UBE2Z: variants seen among roughly 807,000 people sequenced by gnomAD.
UBE2Z encodes the protein ubiquitin conjugating enzyme E2 Z, also known as ubiquitin-conjugating enzyme E2 Z.
A neutral mutation model predicts 32.6 loss-of-function variants in UBE2Z; 10 were observed. The observed-to-expected ratio is 0.31, with a 90% CI of 0.19 to 0.52. UBE2Z has a LOEUF of 0.52. UBE2Z is among the 20% of genes least tolerant of loss of function. The pLI, the probability that UBE2Z is intolerant of heterozygous loss-of-function variation, is 0.97. For synonymous variants in UBE2Z, 183 were observed against 190.8 expected (o/e 0.96, Z 0.34); for missense variants, 343 against 480.9 (o/e 0.71, Z 2.68).
intron 6 of UBE2Z, 26 bp from the exon 7 acceptor site, chr17:48,926,938 C>T (rs1195401581): frequency 6.2e-7 from 1 of 1,601,644 alleles, no homozygotes; most frequent in East Asian, 2.2e-5. Flanking sequence ...TTGAATCTTC[C>T]ATCCCCTTGT....
intron 2 of UBE2Z, chr17:48,912,596 AACTT>A: frequency 4.1e-6 from 2 of 484,216 alleles, no homozygotes; most frequent in Non-Finnish European, 7.4e-6. Context: ...CTTGGGCTCT[AACTT>A]TAGAAGTAAC....
intron 3 of UBE2Z, among the ~76,000 whole-genome samples, chr17:48,915,411 C>T (rs944193122): frequency 6.6e-6 from 1 of 152,176 alleles, no homozygotes; most frequent in Non-Finnish European, 1.5e-5. Context: ...ATGTCATTAA[C>T]ATCCAAGCTG....
chr17:48,919,127 A>C (rs1366170792), intron 4 of UBE2Z, among the ~76,000 whole-genome samples: 4 of 151,866 alleles, frequency 2.6e-5, no homozygotes, highest in Non-Finnish European at 5.9e-5. Context: ...ATTTATTTAC[A>C]GGCACACACC....
At chr17:48,914,567 T>A (rs1304180434) in intron 3 of UBE2Z, among the ~76,000 whole-genome samples, 1 of 152,230 alleles carries the variant, frequency 6.6e-6, no homozygotes, top group African/African-American at 2.4e-5. Flanking sequence ...GTATGAAATT[T>A]GTTCGCGAAA....
At chr17:48,924,010 C>G (rs1244962122) in intron 6 of UBE2Z, among the ~76,000 whole-genome samples, 1 of 152,248 alleles carries the variant, frequency 6.6e-6, no homozygotes. Context: ...CATACGCCAT[C>G]ATGCCCAGCT....
chr17:48,927,179 A>G lies in UBE2Z; in HGVS notation c.*45A>G. 1 of 1,597,870 alleles carries G rather than the reference A, an allele frequency of 6.3e-7. No individual in the cohort carries two copies. Among genetic ancestry groups the G allele is most frequent in the Non-Finnish European group, 8.6e-7 (1 of 1,169,410 alleles). On this transcript the variant is annotated 3_prime_UTR_variant, in exon 7 of 7. Transcript: ENST00000360943. The stretch of plus-strand genomic sequence containing the variant: ...TTCCCCCACTCAAGAGTCCCAGCAG[A>G]ATCCCTTCCCCCCACCCCAGGGATG...
intron 3 of UBE2Z, chr17:48,915,827 C>T: frequency 4.9e-6 from 2 of 408,804 alleles, no homozygotes; most frequent in South Asian, 4.1e-5. Flanking sequence ...AAAGAAAATC[C>T]CTTCAAAGTT....
intron 6 of UBE2Z, among the ~76,000 whole-genome samples, chr17:48,924,925 C>T (rs1598078097): frequency 6.6e-6 from 1 of 151,048 alleles, no homozygotes; most frequent in African/African-American, 2.4e-5. Flanking sequence ...TGAGAATTCT[C>T]CTGTCCTGGA....
intron 5 of UBE2Z, among the ~76,000 whole-genome samples, chr17:48,922,117 T>C (rs2040763361): frequency 6.6e-6 from 1 of 152,074 alleles, no homozygotes; most frequent in Non-Finnish European, 1.5e-5. Context: ...GTGTTCCTTT[T>C]TCCAAAAGGA....
At position 48,923,092 on chromosome 17, in the gene UBE2Z, C is replaced by A. The variant is rs551369209; in HGVS notation, c.894+155C>A. 12 of 568,530 alleles carry A rather than the reference C, an allele frequency of 2.1e-5. No homozygotes were observed. The South Asian group carries it at 2.8e-4, about 13-fold the overall frequency. 35.2% of individuals were successfully genotyped at this position (568,530 alleles called of 1,614,324 possible). On this transcript the variant is annotated intron_variant, in intron 6 of 6. Coordinates refer to ENST00000360943, the MANE Select transcript of UBE2Z (RefSeq NM_023079.5). ...ATCCCAGCACTTTGGGAGGCCAAGG[C>A]GGGCGGATCACGAGGTCGGGAAATT...
In UBE2Z at chr17:48,928,399, C is replaced by T. The variant is rs946386861; in HGVS notation, c.*1265C>T. 9 of 152,604 alleles carry T rather than the reference C, an allele frequency of 5.9e-5. No homozygotes were observed. Among genetic ancestry groups the T allele is most frequent in the Non-Finnish European group, 8.8e-5 (6 of 68,054 alleles). The allele number at this position is 152,604 out of a possible 1,614,324, so 9.5% of individuals were successfully genotyped here. On this transcript the variant is annotated 3_prime_UTR_variant, in exon 7 of 7. Coordinates refer to ENST00000360943, the MANE Select transcript of UBE2Z (RefSeq NM_023079.5). ...CTGGGCATCAAGGGAATCCATCCTT[C>T]CCCTTTTTGATATGTTCTCCCCGTA...
chr17:48,914,169 TG>T (rs2040702583), intron 3 of UBE2Z, among the ~76,000 whole-genome samples: 1 of 152,020 alleles, frequency 6.6e-6, no homozygotes, highest in Non-Finnish European at 1.5e-5. Flanking sequence ...TAGTTGCCTT[TG>T]GGGGCTGAAA....
In UBE2Z at chr17:48,929,009, GTTTTT is replaced by G. The variant is rs71369239; in HGVS notation, c.*1879_*1883del. ...GACTGTATATAAATGAAGTTTTTTTGTTTTTTTTGTTTTCCTTTTTGGTGCAATAA... is the reference window on the plus strand; with the variant it reads ...GACTGTATATAAATGAAGTTTTTTTGTTTGTTTTCCTTTTTGGTGCAATAA... On this transcript the variant is annotated 3_prime_UTR_variant, in exon 7 of 7. Transcript: ENST00000360943. The G allele has an allele frequency of 1.3e-5, 2 of 152,226 alleles. No homozygotes were observed. Among genetic ancestry groups the G allele is most frequent in the East Asian group, 1.9e-4 (1 of 5,186 alleles). 9.4% of individuals were successfully genotyped at this position (152,226 alleles called of 1,614,324 possible).
At position 48,912,694 on chromosome 17, in the gene UBE2Z, C is replaced by T. The variant is rs1016720633; in HGVS notation, c.391-140C>T. The T allele has an allele frequency of 6.2e-5, 52 of 839,288 alleles. 2 individuals carry two copies. The highest frequency in any genetic ancestry group is 5.9e-4 in the South Asian group (36 of 61,376). The allele number at this position is 839,288 out of a possible 1,614,324, so 52.0% of individuals were successfully genotyped here. On this transcript the variant is annotated intron_variant, in intron 2 of 6. Coordinates refer to ENST00000360943, the MANE Select transcript of UBE2Z (RefSeq NM_023079.5). ...TTAGTATGAGTGAATACAGGATGTT[C>T]CTTCTGCATGGTGAGGATATAGAAC...
chr17:48,909,421 G>C (rs1399295951), intron 1 of UBE2Z, among the ~76,000 whole-genome samples: 1 of 151,698 alleles, frequency 6.6e-6, no homozygotes, highest in East Asian at 1.9e-4. Context: ...CCCTTTTCCA[G>C]TGTCCCAAAG....
chr17:48,913,643 G>A lies in UBE2Z; in HGVS notation c.578+622G>A, dbSNP rs548184935. 1.8e-3 allele frequency among the ~76,000 whole-genome samples: 278 copies of A among 152,172 alleles called. 3 individuals carry two copies. Among genetic ancestry groups the A allele is most frequent in the Middle Eastern group, 6.8e-3 (2 of 294 alleles). ...GCTGGGATTAGAGGCATGAGCCACC[G>A]TGCCCGGCCCAGAAATCTGTTTTTT... On this transcript the variant is annotated intron_variant, in intron 3 of 6. Transcript: ENST00000360943.
chr17:48,915,870 C>CG lies in UBE2Z; in HGVS notation c.579-206_579-205insG, dbSNP rs1555580009. 42 of 333,092 alleles carry CG rather than the reference C, an allele frequency of 1.3e-4. 5 individuals carry two copies. Among genetic ancestry groups the CG allele is most frequent in the Non-Finnish European group, 2.0e-4 (37 of 184,204 alleles). 20.6% of individuals were successfully genotyped at this position (333,092 alleles called of 1,614,324 possible). ...TTGCTATTACCTGTTCTTTTGCCCC[C>CG]CCCCCTTGATTTGAGGATTAGGCAA... On this transcript the variant is annotated intron_variant, in intron 3 of 6. Coordinates refer to ENST00000360943, the MANE Select transcript of UBE2Z (RefSeq NM_023079.5).
intron 2 of UBE2Z, chr17:48,911,121 G>A (rs1284518077): frequency 2.0e-6 from 1 of 507,180 alleles, no homozygotes; most frequent in Admixed American, 3.2e-5. Flanking sequence ...GTTCATGTCT[G>A]TTGTCGCAGC....
At chr17:48,915,270 G>A (rs562444039) in intron 3 of UBE2Z, among the ~76,000 whole-genome samples, 1 of 152,166 alleles carries the variant, frequency 6.6e-6, no homozygotes, top group Admixed American at 6.5e-5. Flanking sequence ...AGGCATTACT[G>A]ACTTGGGCTT....
Sources: allele counts gnomAD v4.1 joint callset (sites outside exome capture counted in the v4.1 genomes callset), GRCh38; gene constraint gnomAD v4.1.1; transcripts MANE v1.5; gene names NCBI Gene and HGNC (gene_info 2026-07-23, HGNC 2026-07-21).